The following PCLO variants were observed in gnomAD, a reference collection of about 807,000 sequenced individuals.
The protein encoded by PCLO is protein piccolo.
In PCLO, 82 loss-of-function variants were observed where a neutral mutation model predicts 427.5. The observed-to-expected ratio is 0.19, with a 90% CI of 0.16 to 0.23. The LOEUF (loss-of-function observed/expected upper bound fraction) is 0.23. PCLO is among the 10% of genes least tolerant of loss of function. The pLI, the probability that PCLO is intolerant of heterozygous loss-of-function variation, is 1.00. For missense variants in PCLO, 6,239 were observed against 6,115.9 expected, an observed-to-expected ratio of 1.02 and a Z score of -0.67; for synonymous variants, 2,357 against 2,155.4, an observed-to-expected ratio of 1.09 and a Z score of -2.59.
chr7:83,025,105 A>G (rs1449781115), intron 3 of PCLO, among the ~76,000 whole-genome samples: 1 of 152,218 alleles, frequency 6.6e-6, no homozygotes, highest in African/African-American at 2.4e-5. Flanking sequence ...CTGGACGGAG[A>G]ACGACTTTGA....
intron 2 of PCLO, among the ~76,000 whole-genome samples, chr7:83,153,949 AG>A (rs1792202638): frequency 6.6e-6 from 1 of 152,078 alleles, no homozygotes; most frequent in African/African-American, 2.4e-5. Context: ...ACATTATTCC[AG>A]GCCTTTTCAT....
chr7:83,062,867 G>A (rs1789574093), intron 3 of PCLO, among the ~76,000 whole-genome samples: 1 of 151,954 alleles, frequency 6.6e-6, no homozygotes, highest in Non-Finnish European at 1.5e-5. Flanking sequence ...TAAGAACTAT[G>A]TACCATAATT....
chr7:82,943,696 A>C (rs114851110), intron 6 of PCLO, among the ~76,000 whole-genome samples: 2,431 of 152,128 alleles, frequency 0.016, 62 homozygotes, highest in African/African-American at 0.056. Context: ...AAGAAAGAGA[A>C]AGGGTGTAAG....
intron 3 of PCLO, among the ~76,000 whole-genome samples, chr7:83,001,736 T>C (rs751574021): frequency 2.2e-4 from 33 of 152,166 alleles, no homozygotes; most frequent in African/African-American, 7.7e-4. Flanking sequence ...ATGGTGCTGA[T>C]TTATAGCTGG....
At chr7:82,783,175 TG>T (rs1790910202) in intron 22 of PCLO, among the ~76,000 whole-genome samples, 1 of 152,256 alleles carries the variant, frequency 6.6e-6, no homozygotes, top group South Asian at 2.1e-4. Context: ...TGGTCTTTCC[TG>T]AGACTATGAT....
intron 3 of PCLO, among the ~76,000 whole-genome samples, chr7:83,007,751 C>A (rs1273439757): frequency 6.6e-6 from 1 of 151,404 alleles, no homozygotes; most frequent in Non-Finnish European, 1.5e-5. Flanking sequence ...GAAATAATGG[C>A]AAGTTAGTTC....
At chr7:83,101,619 G>A (rs1427493735) in intron 3 of PCLO, among the ~76,000 whole-genome samples, 1 of 152,146 alleles carries the variant, frequency 6.6e-6, no homozygotes, top group Non-Finnish European at 1.5e-5. Flanking sequence ...GTTAGCTAAT[G>A]TATGTGGAAG....
rs745520227 is a variant in PCLO, at chr7:83,135,048, A to T, written c.2502T>A (p.Pro834=). The change falls in exon 3 of 25, where the codon CCT becomes CCA. Residue 834 remains proline, a synonymous_variant. Coordinates refer to ENST00000333891, the MANE Select transcript of PCLO (RefSeq NM_033026.6). The stretch of plus-strand genomic sequence containing the variant: ...GACCTTTGCTCTCTGAACTGGGACC[A>T]GGATGTGAAATAATTTTTGAATCTG... ...PASDSKIISH[P]GPSSESKGQK... 1.2e-6 allele frequency: 2 copies of T among 1,613,964 alleles called. No homozygotes were observed. The highest frequency in any genetic ancestry group is 3.3e-5 in the Admixed American group (2 of 60,026).
intron 10 of PCLO, chr7:82,868,167 A>C (rs905239931): frequency 2.2e-6 from 1 of 456,524 alleles, no homozygotes; most frequent in Non-Finnish European, 4.4e-6. Context: ...GTGTTTCTTG[A>C]TCTCCAACCT....
At chr7:82,782,888 A>G (rs1790903669) in intron 22 of PCLO, among the ~76,000 whole-genome samples, 1 of 152,014 alleles carries the variant, frequency 6.6e-6, no homozygotes, top group Non-Finnish European at 1.5e-5. Context: ...AAGAACATCT[A>G]CTCCCAAATG....
chr7:83,134,020 T>C (rs1206214362), intron 3 of PCLO, among the ~76,000 whole-genome samples: 1 of 151,660 alleles, frequency 6.6e-6, no homozygotes, highest in South Asian at 2.1e-4. Context: ...ATTTAACTTA[T>C]TTCATCTTCT....
At chr7:83,134,218 A>AATATATATATATATAT (rs61658777) in intron 3 of PCLO, 32 bp downstream of exon 3, 65 of 430,218 alleles carry the variant, frequency 1.5e-4, no homozygotes, top group African/African-American at 9.3e-4. Context: ...CTCCATATGT[A>AATATATATATATATAT]ATATATATAT....
At chr7:83,069,906 T>C (rs1789769470) in intron 3 of PCLO, among the ~76,000 whole-genome samples, 1 of 151,242 alleles carries the variant, frequency 6.6e-6, no homozygotes, top group South Asian at 2.1e-4. Flanking sequence ...TCGAGCCCTG[T>C]GGTGGTTTTA....
Position 83,045,945 on chromosome 7 carries a change from T to A in PCLO, c.3301-79458A>T, listed in dbSNP as rs1228472637. ...GTGGCTTTAACAACTGAAATTTATTTTCTCATAGTTATGGATGTTGGAAGT... is the reference window on the plus strand; with the variant it reads ...GTGGCTTTAACAACTGAAATTTATTATCTCATAGTTATGGATGTTGGAAGT... On this transcript the variant is annotated intron_variant, in intron 3 of 24. Transcript: ENST00000333891. Among the ~76,000 whole-genome samples the A allele has an allele frequency of 2.0e-5, 3 of 152,084 alleles. No individual in the cohort carries two copies. In the East Asian group the frequency reaches 5.8e-4, roughly 29 times the overall value.
chr7:83,077,035 T>TA (rs1416615904), intron 3 of PCLO, among the ~76,000 whole-genome samples: 2 of 149,896 alleles, frequency 1.3e-5, no homozygotes, highest in Non-Finnish European at 3.0e-5. Context: ...TATATATATA[T>TA]TTTGCATATA....
At chr7:83,105,042 T>C (rs1790821104) in intron 3 of PCLO, among the ~76,000 whole-genome samples, 2 of 152,172 alleles carry the variant, frequency 1.3e-5, no homozygotes, top group Admixed American at 6.6e-5. Flanking sequence ...ACATTACTTT[T>C]ACACATCAAT....
chr7:83,111,871 G>A (rs1791011848), intron 3 of PCLO, among the ~76,000 whole-genome samples: 1 of 152,122 alleles, frequency 6.6e-6, no homozygotes, highest in South Asian at 2.1e-4. Context: ...TTTAGATTAA[G>A]TTTAAATGCT....
intron 3 of PCLO, among the ~76,000 whole-genome samples, chr7:83,117,970 A>G (rs375593556): frequency 1.3e-5 from 2 of 152,336 alleles, no homozygotes; most frequent in East Asian, 1.9e-4. Flanking sequence ...TGAACAATAT[A>G]TAACAGTACA....
chr7:82,980,077 C>T (rs1473103945), intron 3 of PCLO, among the ~76,000 whole-genome samples: 3 of 151,928 alleles, frequency 2.0e-5, no homozygotes. Context: ...AGAACATAGT[C>T]CATTCTGTTT....
Sources: allele counts gnomAD v4.1 joint callset (sites outside exome capture counted in the v4.1 genomes callset), GRCh38; gene constraint gnomAD v4.1.1; transcripts MANE v1.5; gene names NCBI Gene and HGNC (gene_info 2026-07-23, HGNC 2026-07-21).